The following HECW2 variants were observed in gnomAD, a reference collection of about 807,000 sequenced individuals.
HECW2 encodes E3 ubiquitin-protein ligase HECW2.
HECW2 carries 61 observed loss-of-function variants against 175.2 expected under a neutral mutation model. That is an observed-to-expected ratio of 0.35 (90% CI 0.28 to 0.43). HECW2 has a LOEUF of 0.43. Among genes scored for constraint, HECW2 ranks in the 20% least tolerant of loss-of-function variants. HECW2 has a pLI of 1.00. For synonymous variants in HECW2, 671 were observed against 731.0 expected, an observed-to-expected ratio of 0.92 and a Z score of 1.32; for missense variants, 1,524 against 2,000.5, an observed-to-expected ratio of 0.76 and a Z score of 4.54.
chr2:196,279,831 T>C (rs995559068), intron 14 of HECW2, among the ~76,000 whole-genome samples: 1 of 152,234 alleles, frequency 6.6e-6, no homozygotes, highest in Non-Finnish European at 1.5e-5. Flanking sequence ...CCTTCATTCC[T>C]GACATTTCTC....
intron 1 of HECW2, among the ~76,000 whole-genome samples, chr2:196,570,303 C>A (rs918308705): frequency 2.0e-5 from 3 of 152,160 alleles, no homozygotes; most frequent in Admixed American, 1.3e-4. Context: ...ATGAACATAT[C>A]ATTTATATTG....
chr2:196,402,837 C>T (rs555659818), intron 2 of HECW2, among the ~76,000 whole-genome samples: 2 of 129,404 alleles, frequency 1.5e-5, no homozygotes, highest in South Asian at 4.9e-4. Flanking sequence ...GACAGAGTCT[C>T]GCTCTGTCAC....
At chr2:196,577,273 C>T (rs537131579) in intron 1 of HECW2, among the ~76,000 whole-genome samples, 1 of 152,164 alleles carries the variant, frequency 6.6e-6, no homozygotes, top group East Asian at 1.9e-4. Context: ...ATTAGGTGTG[C>T]TGTGCTTAAG....
At chr2:196,357,789 G>T (rs1693430180) in intron 2 of HECW2, among the ~76,000 whole-genome samples, 1 of 152,052 alleles carries the variant, frequency 6.6e-6, no homozygotes, top group African/African-American at 2.4e-5. Context: ...CCCTGCTTTT[G>T]CTCACTTCTC....
chr2:196,540,553 C>A (rs933487298), intron 1 of HECW2, among the ~76,000 whole-genome samples: 2 of 152,150 alleles, frequency 1.3e-5, no homozygotes, highest in African/African-American at 2.4e-5. Context: ...CAAGTATCCT[C>A]CTGCTTCAGC....
At chr2:196,268,600 TA>T (rs1689606173) in intron 17 of HECW2, among the ~76,000 whole-genome samples, 1 of 152,236 alleles carries the variant, frequency 6.6e-6, no homozygotes, top group African/African-American at 2.4e-5. Flanking sequence ...TTAGATCACC[TA>T]ATCTCTCTGA....
intron 2 of HECW2, among the ~76,000 whole-genome samples, chr2:196,422,830 CTT>C (rs1158940394): frequency 2.0e-5 from 3 of 152,056 alleles, no homozygotes; most frequent in Non-Finnish European, 4.4e-5. Flanking sequence ...ATCGGGCACT[CTT>C]AACTATATTT....
intron 17 of HECW2, among the ~76,000 whole-genome samples, chr2:196,265,529 A>G (rs749388607): frequency 4.6e-5 from 7 of 152,102 alleles, no homozygotes; most frequent in Non-Finnish European, 7.4e-5. Context: ...TCCTAGTTGC[A>G]TTTAAATTAT....
At chr2:196,387,350 C>T (rs1391288781) in intron 2 of HECW2, among the ~76,000 whole-genome samples, 2 of 152,042 alleles carry the variant, frequency 1.3e-5, no homozygotes, top group African/African-American at 4.8e-5. Context: ...GAGGATAAAG[C>T]CCTCATGAAT....
intron 1 of HECW2, among the ~76,000 whole-genome samples, chr2:196,582,892 A>T (rs1030139329): frequency 1.3e-5 from 2 of 152,236 alleles, no homozygotes; most frequent in Non-Finnish European, 2.9e-5. Context: ...CCATGTGGCA[A>T]CAATAAGGTG....
chr2:196,352,228 CCTG>C (rs1388726524), intron 2 of HECW2, among the ~76,000 whole-genome samples: 3 of 152,188 alleles, frequency 2.0e-5, no homozygotes, highest in East Asian at 1.9e-4. Flanking sequence ...CACCAGGCCA[CCTG>C]CTAAGAGGGC....
chr2:196,588,007 T>C (rs1019093047), intron 1 of HECW2, among the ~76,000 whole-genome samples: 1 of 152,240 alleles, frequency 6.6e-6, no homozygotes, highest in Admixed American at 6.5e-5. Flanking sequence ...GGTATTTGTA[T>C]TAAGCAACTT....
At chr2:196,492,469 G>GA (rs1343926753) in intron 1 of HECW2, among the ~76,000 whole-genome samples, 1 of 151,822 alleles carries the variant, frequency 6.6e-6, no homozygotes, top group Non-Finnish European at 1.5e-5. Flanking sequence ...GAGTAAATAG[G>GA]AAAAAAAATT....
chr2:196,498,377 T>A (rs182327448), intron 1 of HECW2, among the ~76,000 whole-genome samples: 1 of 152,322 alleles, frequency 6.6e-6, no homozygotes, highest in East Asian at 1.9e-4. Flanking sequence ...AAAGGTCCCT[T>A]TTTTATTTTT....
At chr2:196,492,066 A>G (rs1286849206) in intron 1 of HECW2, among the ~76,000 whole-genome samples, 1 of 152,242 alleles carries the variant, frequency 6.6e-6, no homozygotes, top group Non-Finnish European at 1.5e-5. Context: ...CATAGTATAC[A>G]CCACCATTTA....
At chr2:196,523,438 T>C (rs552599964) in intron 1 of HECW2, among the ~76,000 whole-genome samples, 4 of 151,988 alleles carry the variant, frequency 2.6e-5, no homozygotes, top group Non-Finnish European at 5.9e-5. Context: ...TAATTTGACT[T>C]CCTCTTTTCC....
At chr2:196,357,285 C>T (rs1201303565) in intron 2 of HECW2, among the ~76,000 whole-genome samples, 1 of 150,134 alleles carries the variant, frequency 6.7e-6, no homozygotes, top group Non-Finnish European at 1.5e-5. Context: ...AGGCTGTGAC[C>T]CAATCTCGCA....
chr2:196,256,131 AC>A (rs1264137126), intron 18 of HECW2, among the ~76,000 whole-genome samples: 2 of 152,170 alleles, frequency 1.3e-5, no homozygotes, highest in East Asian at 3.8e-4. Flanking sequence ...TTCAATAATC[AC>A]TAATTATATT....
rs568435230 is a variant in HECW2 at position 196,397,919 on chromosome 2, T to C, written c.292+35213A>G. ...CTCCCAAAGATATTCATGGAAGGGC[T>C]CAATAAAGCTGCACTGAGCCAAAGT... On this transcript the variant is annotated intron_variant, in intron 2 of 28. Transcript: ENST00000644978. Among the ~76,000 whole-genome samples, 433 of 152,272 alleles carry C rather than the reference T, an allele frequency of 2.8e-3. 2 individuals carry two copies. The highest frequency in any genetic ancestry group is 5.4e-3 in the South Asian group (26 of 4,810).
Sources: allele counts gnomAD v4.1 joint callset (sites outside exome capture counted in the v4.1 genomes callset), GRCh38; gene constraint gnomAD v4.1.1; transcripts MANE v1.5; gene names NCBI Gene and HGNC (gene_info 2026-07-23, HGNC 2026-07-21).